Variants in CNBD1 observed in about 807,000 individuals in gnomAD.
The protein encoded by CNBD1 is cyclic nucleotide-binding domain-containing protein 1.
In CNBD1, 71 loss-of-function variants were observed where a neutral mutation model predicts 54.4. The ratio of observed to expected loss-of-function variants is 1.30; its 90% CI spans 1.08 to 1.59. The LOEUF (loss-of-function observed/expected upper bound fraction) is 1.59, where lower values mean the gene tolerates loss of function less well. CNBD1 is among the 40% of genes most tolerant of loss of function. The probability of loss-of-function intolerance (pLI) is 0.00; values close to 1 mark genes in which losing one functional copy is unlikely to be tolerated. For synonymous variants in CNBD1, 182 were observed against 170.7 expected (o/e 1.07, Z -0.51); for missense variants, 659 against 518.0 (o/e 1.27, Z -2.64).
chr8:87,418,130 G>A (rs188228970), intron 2 of CNBD1, among the ~76,000 whole-genome samples: 36 of 151,978 alleles, frequency 2.4e-4, no homozygotes, highest in African/African-American at 7.7e-4. Flanking sequence ...CAAAGAGCAC[G>A]CACACTTTCA....
At chr8:86,898,679 A>T (rs746012414) in intron 2 of CNBD1, among the ~76,000 whole-genome samples, 1 of 152,170 alleles carries the variant, frequency 6.6e-6, no homozygotes, top group African/African-American at 2.4e-5. Flanking sequence ...CTCAAAATGG[A>T]TCATAGACCT....
chr8:87,309,634 C>T (rs1023003789), intron 8 of CNBD1, among the ~76,000 whole-genome samples: 5 of 152,052 alleles, frequency 3.3e-5, no homozygotes, highest in African/African-American at 1.2e-4. Context: ...ATATCTGTAG[C>T]TGTGTGTCTG....
At chr8:86,896,469 A>T (rs1002393295) in intron 2 of CNBD1, among the ~76,000 whole-genome samples, 4 of 152,112 alleles carry the variant, frequency 2.6e-5, no homozygotes, top group African/African-American at 7.2e-5. Flanking sequence ...TATTTGTGTC[A>T]TCTGAAATTT....
intron 6 of CNBD1, among the ~76,000 whole-genome samples, chr8:87,273,416 G>T (rs1278060624): frequency 6.6e-6 from 1 of 151,958 alleles, no homozygotes; most frequent in Non-Finnish European, 1.5e-5. Flanking sequence ...AGAAAAGGGA[G>T]ACTGTTGTTC....
chr8:87,258,305 C>A (rs1189457155), intron 6 of CNBD1, among the ~76,000 whole-genome samples: 1 of 152,032 alleles, frequency 6.6e-6, no homozygotes, highest in Non-Finnish European at 1.5e-5. Flanking sequence ...AAGGCAAAAA[C>A]CTTTACTCAT....
chr8:87,176,808 A>T (rs1323135531), intron 4 of CNBD1, among the ~76,000 whole-genome samples: 1 of 152,162 alleles, frequency 6.6e-6, no homozygotes, highest in African/African-American at 2.4e-5. Context: ...TTTTTAATAC[A>T]AAGGATACTT....
At chr8:87,270,860 T>G (rs1160016099) in intron 6 of CNBD1, among the ~76,000 whole-genome samples, 1 of 151,848 alleles carries the variant, frequency 6.6e-6, no homozygotes, top group African/African-American at 2.4e-5. Flanking sequence ...AGTTAGTTCC[T>G]TAAATTTTTG....
intron 5 of CNBD1, among the ~76,000 whole-genome samples, chr8:87,233,053 A>G (rs1157418551): frequency 6.6e-6 from 1 of 152,210 alleles, no homozygotes; most frequent in East Asian, 1.9e-4. Flanking sequence ...TTGGTTATGT[A>G]TATTAGTTTT....
At chr8:87,326,683 G>T (rs1353678656) in intron 8 of CNBD1, among the ~76,000 whole-genome samples, 1 of 99,218 alleles carries the variant, frequency 1.0e-5, no homozygotes, top group South Asian at 3.1e-4. Context: ...CTCTGTATTG[G>T]TTATTCTAGT....
intron 8 of CNBD1, among the ~76,000 whole-genome samples, chr8:87,330,608 G>T (rs1809803623): frequency 6.6e-6 from 1 of 152,074 alleles, no homozygotes; most frequent in Non-Finnish European, 1.5e-5. Context: ...ATATCTCTTA[G>T]CTGAAGATGT....
At chr8:87,249,748 T>C (rs1359312889) in intron 6 of CNBD1, among the ~76,000 whole-genome samples, 2 of 152,180 alleles carry the variant, frequency 1.3e-5, no homozygotes, top group East Asian at 1.9e-4. Context: ...GATGAATATG[T>C]TTCTGATGCA....
At chr8:87,227,267 A>C (rs898142855) in intron 5 of CNBD1, among the ~76,000 whole-genome samples, 6 of 147,834 alleles carry the variant, frequency 4.1e-5, no homozygotes, top group African/African-American at 1.2e-4. Context: ...TTATGTGTGA[A>C]TTTGATCCTG....
chr8:87,276,308 G>A (rs995470818), intron 6 of CNBD1, among the ~76,000 whole-genome samples: 1 of 151,596 alleles, frequency 6.6e-6, no homozygotes, highest in African/African-American at 2.4e-5. Context: ...TTTTATTTAA[G>A]GGAAAAAATA....
In CNBD1 at chr8:87,225,620, G is replaced by T. The variant is rs372569144; in HGVS notation, c.578-11299G>T. On this transcript the variant is annotated intron_variant, in intron 5 of 10. Transcript: ENST00000518476. ...TGATCATGGTGGATAAGCTTTTTGA[G>T]GTGCTGCTGGATTCGGTTTGCCAGT... Among the ~76,000 whole-genome samples the T allele has an allele frequency of 3.9e-3, 590 of 152,168 alleles. 6 individuals are homozygous for T. The highest frequency in any genetic ancestry group is 0.032 in the East Asian group (168 of 5,172).
intron 10 of CNBD1, among the ~76,000 whole-genome samples, chr8:87,373,596 A>G (rs1810864576): frequency 6.6e-6 from 1 of 151,786 alleles, no homozygotes; most frequent in Non-Finnish European, 1.5e-5. Context: ...GTATATCTTC[A>G]TTTAGGAAAT....
intron 4 of CNBD1, among the ~76,000 whole-genome samples, chr8:87,164,055 A>G (rs889507513): frequency 1.3e-5 from 2 of 151,916 alleles, no homozygotes; most frequent in South Asian, 2.1e-4. Flanking sequence ...TGAATTGATC[A>G]TATTATTTTT....
intron 6 of CNBD1, among the ~76,000 whole-genome samples, chr8:87,283,245 T>C (rs1170421253): frequency 2.6e-5 from 4 of 152,094 alleles, no homozygotes; most frequent in African/African-American, 9.6e-5. Flanking sequence ...TTTTCCAAAA[T>C]ACTTCTTTTT....
chr8:87,286,434 A>T, intron 7 of CNBD1, 105 bp from the exon 8 acceptor site: 8 of 625,182 alleles, frequency 1.3e-5, no homozygotes, highest in African/African-American at 1.8e-5. Context: ...ACTAACTTAT[A>T]TTCATATGGC....
Position 87,249,167 on chromosome 8 carries a change from C to G in CNBD1, c.771+12055C>G, listed in dbSNP as rs143834440. ...TACTAGCATCACTGCCTCAGCTCCACGTCAGATCATCAGGCATTAGATTCT... is the reference window on the plus strand; with the variant it reads ...TACTAGCATCACTGCCTCAGCTCCAGGTCAGATCATCAGGCATTAGATTCT... On this transcript the variant is annotated intron_variant, in intron 6 of 10. Coordinates refer to ENST00000518476, the MANE Select transcript of CNBD1 (RefSeq NM_173538.3). Among the ~76,000 whole-genome samples, 478 of 152,256 alleles carry G rather than the reference C, an allele frequency of 3.1e-3. 2 individuals are homozygous for G. Among genetic ancestry groups the G allele is most frequent in the African/African-American group, 0.011 (447 of 41,558 alleles).
Sources: allele counts gnomAD v4.1 joint callset (sites outside exome capture counted in the v4.1 genomes callset), GRCh38; gene constraint gnomAD v4.1.1; transcripts MANE v1.5; gene names NCBI Gene and HGNC (gene_info 2026-07-23, HGNC 2026-07-21).